Variants in MXD3 observed in about 807,000 individuals in gnomAD.
MXD3 encodes MAX dimerization protein 3.
A neutral mutation model predicts 27.5 loss-of-function variants in MXD3; 20 were observed. The observed-to-expected ratio is 0.73, with a 90% CI of 0.51 to 1.06. The LOEUF is 1.06. Ranked by LOEUF, MXD3 falls within the 50% of genes least tolerant of loss-of-function variation. MXD3 has a pLI of 0.00. For missense variants in MXD3, 298 were observed against 291.3 expected (o/e 1.02, Z -0.17); for synonymous variants, 150 against 130.7 (o/e 1.15, Z -1.01).
At chr5:177,306,287 T>A, downstream of MXD3, 3 of 1,562,408 alleles carry the variant, frequency 1.9e-6, no homozygotes, top group Non-Finnish European at 2.6e-6. Flanking sequence ...TCCTTGTCTG[T>A]ACTGGGGGTG....
In MXD3 at chr5:177,311,500, C is replaced by G; in HGVS notation, c.71-16G>C. On this transcript the variant is annotated splice_polypyrimidine_tract_variant and intron_variant, in intron 1 of 5. Transcript: ENST00000439742. Reference sequence around the variant, plus strand: ...TGCTCGGCCTCTGCCAGAGAGAGTCCCCGCCCGCGTCAGGCTGGGGCTGGA... The same window carrying G: ...TGCTCGGCCTCTGCCAGAGAGAGTCGCCGCCCGCGTCAGGCTGGGGCTGGA... 7.0e-7 allele frequency: 1 copy of G among 1,424,940 alleles called. No homozygotes were observed. Among genetic ancestry groups the G allele is most frequent in the African/African-American group, 1.5e-5 (1 of 67,668 alleles). The allele number at this position is 1,424,940 out of a possible 1,614,324, so 88.3% of individuals were successfully genotyped here. A position where few individuals can be genotyped will look rare whatever the true frequency, so the allele number is the denominator to read the frequency against.
chr5:177,307,192 A>G (rs1760900782), downstream of MXD3: 2 of 1,551,380 alleles, frequency 1.3e-6, no homozygotes, highest in Non-Finnish European at 1.7e-6. Context: ...TTCATTAGGC[A>G]AGACTATGGA....
At position 177,307,610 on chromosome 5, in the gene MXD3, T is replaced by G. The variant is rs1400674993; in HGVS notation, c.599A>C (p.His200Pro). Residue 200 changes from histidine (H) to proline (P), a missense_variant, in exon 6 of 6, where the codon CAC becomes CCC. Transcript: ENST00000439742. ...ACATCATAGCCAGGCGCCGCCGCCG[T>G]GCGAGTAGCTGTGCTCCTGGCCGGC... ...FVAGQEHSYS[H>P]GGGAWL 1 of 1,612,830 alleles carries G rather than the reference T, an allele frequency of 6.2e-7. No homozygotes were observed. Among genetic ancestry groups the G allele is most frequent in the Non-Finnish European group, 8.5e-7 (1 of 1,179,894 alleles).
In MXD3 at chr5:177,307,624, C is replaced by T. The variant is rs1444045652; in HGVS notation, c.585G>A (p.Glu195=). ...ELLRGFVAGQ[E]HSYSHGGGAW... ...CGCCGCCGCCGTGCGAGTAGCTGTG[C>T]TCCTGGCCGGCGACGAAGCCCCGCA... The change falls in exon 6 of 6, where the codon GAG becomes GAA. Residue 195 remains glutamate, a synonymous_variant. Coordinates refer to ENST00000439742, the MANE Select transcript of MXD3 (RefSeq NM_031300.4). 1 of 1,613,238 alleles carries T rather than the reference C, an allele frequency of 6.2e-7. No homozygotes were observed. Among genetic ancestry groups the T allele is most frequent in the Admixed American group, 1.7e-5 (1 of 60,016 alleles).
rs1196128577 is a variant in MXD3, at chr5:177,307,855, G to A, written c.431C>T (p.Ala144Val). The change falls in exon 5 of 6, where the codon GCC becomes GTC. Residue 144 changes from alanine to valine, a missense_variant. Coordinates refer to ENST00000439742, the MANE Select transcript of MXD3 (RefSeq NM_031300.4). ...GTCCGCCCGCAGCCGCTCCCGCTCG[G>A]CCGCCCCTGCCAGCCCCCGGAGCTG... ...LEQLRGLAGA[A>V]ERERLRADSL... is the part of the protein sequence containing the mutation. The A allele has an allele frequency of 1.9e-6, 3 of 1,609,534 alleles. No individual in the cohort carries two copies. Among genetic ancestry groups the A allele is most frequent in the Non-Finnish European group, 2.5e-6 (3 of 1,178,666 alleles).
chr5:177,312,172 G>A, upstream of MXD3: 1 of 1,030,536 alleles, frequency 9.7e-7, no homozygotes, highest in African/African-American at 1.7e-5. Context: ...GCTCATTGGC[G>A]TCTTTGATCT....
At chr5:177,307,746 A>G (rs1457382199) in intron 5 of MXD3, 35 bp downstream of exon 5, 2 of 1,612,860 alleles carry the variant, frequency 1.2e-6, no homozygotes, top group African/African-American at 2.7e-5. Flanking sequence ...GCTCGCCCCG[A>G]GGGCCACACA....
rs147542010 is a variant in MXD3 at position 177,310,523 on chromosome 5, C to T, written c.224G>A (p.Arg75Gln). 270 of 1,611,536 alleles carry T rather than the reference C, an allele frequency of 1.7e-4. No individual in the cohort carries two copies. In the African/African-American group the frequency reaches 3.2e-3, roughly 19 times the overall value. ...CTGCTGCTTCAGCCGCTCCAGGCAC[C>T]GCTTCAACTGGGCCCTCCTGTGGGG... ...LEKRRRAQLK[R>Q]CLERLKQQMP... is the part of the protein sequence containing the mutation. Residue 75 changes from arginine (R) to glutamine (Q), a missense_variant, in exon 4 of 6, where the codon CGG (arginine) becomes CAG (glutamine). Coordinates refer to ENST00000439742, the MANE Select transcript of MXD3 (RefSeq NM_031300.4).
At chr5:177,308,863 T>TA (rs1760967931) in intron 4 of MXD3, among the ~76,000 whole-genome samples, 1 of 151,978 alleles carries the variant, frequency 6.6e-6, no homozygotes, top group Non-Finnish European at 1.5e-5. Flanking sequence ...CCCATACCCC[T>TA]ACCTCCCGCC....
upstream of MXD3, chr5:177,312,609 G>T: frequency 1.0e-6 from 1 of 985,460 alleles, no homozygotes; most frequent in Non-Finnish European, 1.2e-6. Context: ...AGGCCCCCGT[G>T]GGCCCCAGCT....
At chr5:177,307,135 ATAT>A (rs1414527144), downstream of MXD3, 39 of 1,533,554 alleles carry the variant, frequency 2.5e-5, no homozygotes, top group East Asian at 7.6e-4. Context: ...ATGGGAACTG[ATAT>A]TATTTCCTCT....
Position 177,311,499 on chromosome 5 carries a change from C to A in MXD3, c.71-15G>T. ...ATGCTCGGCCTCTGCCAGAGAGAGT[C>A]CCCGCCCGCGTCAGGCTGGGGCTGG... On this transcript the variant is annotated splice_polypyrimidine_tract_variant and intron_variant, in intron 1 of 5. Transcript: ENST00000439742. 1 of 1,425,964 alleles carries A rather than the reference C, an allele frequency of 7.0e-7. No homozygotes were observed. Among genetic ancestry groups the A allele is most frequent in the Non-Finnish European group, 9.2e-7 (1 of 1,088,150 alleles). 88.3% of individuals were successfully genotyped at this position (1,425,964 alleles called of 1,614,324 possible).
At chr5:177,311,182 T>C (rs1761025885) in intron 2 of MXD3, 197 bp downstream of exon 2, 1 of 519,542 alleles carries the variant, frequency 1.9e-6, no homozygotes. Flanking sequence ...CATCTAGAGG[T>C]GCTCAAGAAA....
Position 177,310,501 on chromosome 5 carries a change from C to T in MXD3, c.246G>A (p.Gln82=). The T allele has an allele frequency of 1.2e-6, 2 of 1,612,506 alleles. No homozygotes were observed. Among genetic ancestry groups the T allele is most frequent in the Non-Finnish European group, 1.7e-6 (2 of 1,179,406 alleles). Residue 82 remains glutamine, a synonymous_variant, in exon 4 of 6, where the codon CAG becomes CAA. Coordinates refer to ENST00000439742, the MANE Select transcript of MXD3 (RefSeq NM_031300.4). ...CACAGTCGGCCCCCAGGGGCATCTG[C>T]TGCTTCAGCCGCTCCAGGCACCGCT... is the stretch of plus-strand genomic sequence containing the variant. The part of the protein sequence containing the change: ...QLKRCLERLK[Q]QMPLGADCAR...
chr5:177,307,754 A>G, intron 5 of MXD3, 27 bp downstream of exon 5: 1 of 1,613,092 alleles, frequency 6.2e-7, no homozygotes, highest in East Asian at 2.2e-5. Context: ...CGAGGGCCAC[A>G]CAACCCCTCA....
intron 4 of MXD3, among the ~76,000 whole-genome samples, chr5:177,309,655 G>A (rs1760986112): frequency 6.6e-6 from 1 of 152,264 alleles, no homozygotes; most frequent in South Asian, 2.1e-4. Flanking sequence ...CCAGTGCTCA[G>A]TAAACACTTG....
intron 2 of MXD3, chr5:177,311,065 G>A: frequency 1.9e-6 from 1 of 535,298 alleles, no homozygotes; most frequent in Admixed American, 3.5e-5. Context: ...GGGCTGGGGA[G>A]AGGAGAGAAG....
chr5:177,311,628 T>C, intron 1 of MXD3, 133 bp downstream of exon 1: 2 of 1,173,478 alleles, frequency 1.7e-6, no homozygotes. Flanking sequence ...CCGGGACTCC[T>C]CTCGAGTTGA....
intron 1 of MXD3, 89 bp downstream of exon 1, chr5:177,311,672 G>A: frequency 1.4e-6 from 2 of 1,383,900 alleles, no homozygotes; most frequent in Non-Finnish European, 2.0e-6. Flanking sequence ...GTCCTAGGGC[G>A]GTGCATCCTT....
Sources: gnomAD v4.1 joint callset for allele counts (sites outside exome capture counted in the v4.1 genomes callset) on GRCh38, gnomAD v4.1.1 for gene constraint, MANE v1.5 for transcripts, NCBI Gene and HGNC (gene_info 2026-07-23, HGNC 2026-07-21) for gene names.